ATXN7L1: variants seen among roughly 807,000 people sequenced by gnomAD.
The protein encoded by ATXN7L1 is ataxin 7 like 1, also known as ataxin-7-like protein 1.
Under a neutral mutation model 70.8 loss-of-function variants are expected in ATXN7L1, and 15 were observed. The observed-to-expected ratio is 0.21, with a 90% CI of 0.14 to 0.33. The LOEUF is 0.33. Among genes scored for constraint, ATXN7L1 ranks in the 10% least tolerant of loss-of-function variants. The probability of loss-of-function intolerance (pLI) is 1.00; values close to 1 mark genes in which losing one functional copy is unlikely to be tolerated. For synonymous variants in ATXN7L1, 440 were observed against 445.1 expected, an observed-to-expected ratio of 0.99 and a Z score of 0.14; for missense variants, 975 against 1,097.1, an observed-to-expected ratio of 0.89 and a Z score of 1.57.
chr7:105,693,734 C>A (rs928775458), intron 3 of ATXN7L1, among the ~76,000 whole-genome samples: 1 of 152,136 alleles, frequency 6.6e-6, no homozygotes, highest in East Asian at 1.9e-4. Context: ...CTTCTGGTTA[C>A]GGGGCCACCA....
chr7:105,741,421 T>G (rs1320557329), intron 3 of ATXN7L1, among the ~76,000 whole-genome samples: 2 of 152,182 alleles, frequency 1.3e-5, no homozygotes, highest in South Asian at 4.1e-4. Flanking sequence ...TTATACAAGC[T>G]TGCCTTTCAA....
At chr7:105,695,025 C>G (rs1478865105) in intron 3 of ATXN7L1, among the ~76,000 whole-genome samples, 1 of 152,120 alleles carries the variant, frequency 6.6e-6, no homozygotes. Context: ...GTGGCCGGTG[C>G]CTGTAGTCCC....
intron 4 of ATXN7L1, among the ~76,000 whole-genome samples, chr7:105,661,447 G>A (rs1801597469): frequency 6.6e-6 from 1 of 152,154 alleles, no homozygotes; most frequent in Non-Finnish European, 1.5e-5. Flanking sequence ...TCAGGAGGCA[G>A]TGAGGAACTT....
intron 2 of ATXN7L1, among the ~76,000 whole-genome samples, chr7:105,797,466 G>C (rs1449675468): frequency 6.6e-6 from 1 of 152,212 alleles, no homozygotes; most frequent in Non-Finnish European, 1.5e-5. Flanking sequence ...GGGTCCCCAG[G>C]ATGCTTCCTT....
intron 2 of ATXN7L1, among the ~76,000 whole-genome samples, chr7:105,839,009 A>C (rs1045461022): frequency 1.3e-5 from 2 of 152,218 alleles, no homozygotes; most frequent in Admixed American, 1.3e-4. Flanking sequence ...GAAATCTCTG[A>C]AGAACTCGGG....
Position 105,607,776 on chromosome 7 carries a change from CCCT to C in ATXN7L1, c.*73_*75del. The C allele has an allele frequency of 7.3e-7, 1 of 1,366,426 alleles. No homozygotes were observed. Among genetic ancestry groups the C allele is most frequent in the Non-Finnish European group, 1.0e-6 (1 of 978,748 alleles). The allele number at this position is 1,366,426 out of a possible 1,614,324, so 84.6% of individuals were successfully genotyped here. ...GACTCTCCCCCCAGCCCACTCCCCT[CCCT>C]CCTCCTCCCCATGGCCTCCTCGGAT... On this transcript the variant is annotated 3_prime_UTR_variant, in exon 12 of 12. Coordinates refer to ENST00000419735, the MANE Select transcript of ATXN7L1 (RefSeq NM_020725.2).
intron 2 of ATXN7L1, among the ~76,000 whole-genome samples, chr7:105,836,799 G>T (rs1393141654): frequency 6.6e-6 from 1 of 152,188 alleles, no homozygotes; most frequent in South Asian, 2.1e-4. Flanking sequence ...GGTGGTTCAC[G>T]CTTGTAATCC....
chr7:105,700,554 A>G (rs892093835), intron 3 of ATXN7L1, among the ~76,000 whole-genome samples: 7 of 151,114 alleles, frequency 4.6e-5, no homozygotes, highest in African/African-American at 1.7e-4. Flanking sequence ...CCTGGCAGCA[A>G]TGTTGCTCCA....
At chr7:105,649,375 C>A in intron 4 of ATXN7L1, 1 of 987,494 alleles carries the variant, frequency 1.0e-6, no homozygotes, top group Non-Finnish European at 1.2e-6. Flanking sequence ...CACCCTCCCT[C>A]ATCCCCCTTG....
At chr7:105,729,301 G>GAATGAATA (rs549545980) in intron 3 of ATXN7L1, among the ~76,000 whole-genome samples, 1,983 of 147,652 alleles carry the variant, frequency 0.013, 30 homozygotes, top group Admixed American at 0.033. Flanking sequence ...ATGAATGAAT[G>GAATGAATA]AATAAATAAA....
intron 3 of ATXN7L1, among the ~76,000 whole-genome samples, chr7:105,787,760 C>T (rs1210034151): frequency 6.6e-6 from 1 of 152,070 alleles, no homozygotes. Context: ...ACTTCGAAAC[C>T]TTAATGGTAA....
chr7:105,704,360 T>C (rs1792857233), intron 3 of ATXN7L1, among the ~76,000 whole-genome samples: 1 of 152,214 alleles, frequency 6.6e-6, no homozygotes, highest in Admixed American at 6.5e-5. Flanking sequence ...GCTTATTAAC[T>C]GTAATCTGTG....
At chr7:105,793,111 T>C (rs1379987147) in intron 2 of ATXN7L1, among the ~76,000 whole-genome samples, 1 of 152,232 alleles carries the variant, frequency 6.6e-6, no homozygotes, top group African/African-American at 2.4e-5. Context: ...AAATGCTTCT[T>C]ACGTAGAACA....
chr7:105,858,467 A>T (rs1816061597), intron 2 of ATXN7L1, among the ~76,000 whole-genome samples: 1 of 152,216 alleles, frequency 6.6e-6, no homozygotes, highest in East Asian at 1.9e-4. Context: ...TAACTGATCC[A>T]GGCAAGGGTC....
intron 3 of ATXN7L1, among the ~76,000 whole-genome samples, chr7:105,674,428 G>A (rs890427837): frequency 1.3e-5 from 2 of 152,214 alleles, no homozygotes; most frequent in African/African-American, 4.8e-5. Context: ...CATGTGGTAT[G>A]ATACCGTTAG....
rs554827203 is a variant in ATXN7L1, at chr7:105,781,120, T to C, written c.355+7484A>G. On this transcript the variant is annotated intron_variant, in intron 3 of 11. Transcript: ENST00000419735. Reference sequence around the variant, plus strand: ...TAGAGGTCAGAGAAGCCACTCAACATCTTATAGTAAGACACAGAATGAGCC... The same window carrying C: ...TAGAGGTCAGAGAAGCCACTCAACACCTTATAGTAAGACACAGAATGAGCC... 9.2e-5 allele frequency among the ~76,000 whole-genome samples: 14 copies of C among 152,226 alleles called. No individual in the cohort carries two copies. The East Asian group carries it at 2.5e-3, about 27-fold the overall frequency.
intron 3 of ATXN7L1, chr7:105,761,598 G>A (rs920896850): frequency 1.9e-5 from 21 of 1,107,854 alleles, no homozygotes; most frequent in African/African-American, 9.5e-5. Context: ...GCTTAAATGC[G>A]TCTTCATGAT....
chr7:105,657,492 C>T (rs1041060988), intron 4 of ATXN7L1, among the ~76,000 whole-genome samples: 1 of 151,534 alleles, frequency 6.6e-6, no homozygotes, highest in Non-Finnish European at 1.5e-5. Flanking sequence ...TTGGGTGGAT[C>T]CCTTGAGCTC....
At chr7:105,849,347 G>A (rs941447049) in intron 2 of ATXN7L1, among the ~76,000 whole-genome samples, 4 of 152,248 alleles carry the variant, frequency 2.6e-5, no homozygotes, top group African/African-American at 9.6e-5. Context: ...AGAAGTTAGT[G>A]TAACCAGATC....
Sources: gnomAD v4.1 joint callset for allele counts (sites outside exome capture counted in the v4.1 genomes callset) on GRCh38, gnomAD v4.1.1 for gene constraint, MANE v1.5 for transcripts, NCBI Gene and HGNC (gene_info 2026-07-23, HGNC 2026-07-21) for gene names.